The following PARD3B variants were observed in gnomAD, a reference collection of about 807,000 sequenced individuals.
PARD3B encodes partitioning defective 3 homolog B.
In PARD3B, 103 loss-of-function variants were observed where a neutral mutation model predicts 130.2. The ratio of observed to expected loss-of-function variants is 0.79; its 90% CI spans 0.67 to 0.93. The LOEUF is 0.93. Ranked by LOEUF, PARD3B falls within the 40% of genes least tolerant of loss-of-function variation. The pLI, the probability that PARD3B is intolerant of heterozygous loss-of-function variation, is 0.00. For synonymous variants in PARD3B, 583 were observed against 553.2 expected (o/e 1.05, Z -0.76); for missense variants, 1,609 against 1,499.2 (o/e 1.07, Z -1.21).
intron 16 of PARD3B, among the ~76,000 whole-genome samples, chr2:205,282,378 G>T (rs898193342): frequency 3.3e-5 from 5 of 151,528 alleles, no homozygotes; most frequent in African/African-American, 1.2e-4. Flanking sequence ...CTTTTAAGAA[G>T]CCAGGTACTC....
chr2:205,075,837 A>G (rs894897441), intron 4 of PARD3B, among the ~76,000 whole-genome samples: 1 of 152,142 alleles, frequency 6.6e-6, no homozygotes, highest in African/African-American at 2.4e-5. Flanking sequence ...CATTCAAAGT[A>G]GGAATCAAAT....
chr2:204,732,527 C>T (rs1424878646), intron 2 of PARD3B, among the ~76,000 whole-genome samples: 10 of 138,984 alleles, frequency 7.2e-5, no homozygotes, highest in South Asian at 2.3e-4. Context: ...TTTTTTGAGA[C>T]GGAGTCTCGC....
intron 20 of PARD3B, among the ~76,000 whole-genome samples, chr2:205,475,654 T>C (rs1286566757): frequency 6.6e-6 from 1 of 152,150 alleles, no homozygotes. Context: ...GGGAGAGCCA[T>C]TAGAAAAGAA....
chr2:205,206,132 A>T (rs781125838), intron 15 of PARD3B, among the ~76,000 whole-genome samples: 2 of 151,174 alleles, frequency 1.3e-5, no homozygotes, highest in African/African-American at 2.4e-5. Flanking sequence ...ATAAAGACAG[A>T]TATGAACTTT....
intron 2 of PARD3B, among the ~76,000 whole-genome samples, chr2:204,793,462 C>T (rs919068864): frequency 5.3e-5 from 8 of 151,990 alleles, no homozygotes; most frequent in Non-Finnish European, 8.8e-5. Flanking sequence ...TATTCCCAGT[C>T]GAATCTGTTA....
intron 3 of PARD3B, among the ~76,000 whole-genome samples, chr2:205,030,019 C>A: frequency 6.6e-6 from 1 of 152,108 alleles, no homozygotes; most frequent in South Asian, 2.1e-4. Context: ...CATTGCAAGC[C>A]AGTATATAAC....
At chr2:205,444,017 C>G (rs1255080447) in intron 20 of PARD3B, among the ~76,000 whole-genome samples, 2 of 152,184 alleles carry the variant, frequency 1.3e-5, no homozygotes, top group African/African-American at 4.8e-5. Context: ...GAGTCTCACT[C>G]TGTCACCCAG....
chr2:205,062,776 G>A (rs1164579176), intron 4 of PARD3B, among the ~76,000 whole-genome samples: 1 of 152,068 alleles, frequency 6.6e-6, no homozygotes, highest in Non-Finnish European at 1.5e-5. Context: ...CTTTTGCAGT[G>A]CTCAGTTTTT....
chr2:204,871,083 G>C (rs1485264230), intron 2 of PARD3B, among the ~76,000 whole-genome samples: 1 of 152,094 alleles, frequency 6.6e-6, no homozygotes, highest in Non-Finnish European at 1.5e-5. Flanking sequence ...TTAGGGAAAT[G>C]CAGTTTGCAG....
intron 2 of PARD3B, among the ~76,000 whole-genome samples, chr2:204,787,201 C>G (rs1264660509): frequency 2.0e-5 from 3 of 151,986 alleles, no homozygotes; most frequent in South Asian, 2.1e-4. Flanking sequence ...GATCACTTCA[C>G]CTGGGGCATG....
intron 10 of PARD3B, among the ~76,000 whole-genome samples, chr2:205,148,795 A>G (rs970443964): frequency 2.6e-5 from 4 of 152,204 alleles, no homozygotes; most frequent in African/African-American, 4.8e-5. Flanking sequence ...CATGTGAAAC[A>G]TAATTCTTAC....
intron 2 of PARD3B, among the ~76,000 whole-genome samples, chr2:204,839,812 CT>C (rs1320139433): frequency 5.9e-5 from 9 of 152,192 alleles, no homozygotes; most frequent in Non-Finnish European, 1.2e-4. Context: ...CAAGATAATA[CT>C]TTGAAAAAAG....
At chr2:204,599,304 T>C (rs1376092046) in intron 1 of PARD3B, among the ~76,000 whole-genome samples, 1 of 151,920 alleles carries the variant, frequency 6.6e-6, no homozygotes, top group African/African-American at 2.4e-5. Flanking sequence ...CTAGCTATTA[T>C]TTTGCATCCC....
At chr2:205,299,402 G>A (rs909028254) in intron 16 of PARD3B, among the ~76,000 whole-genome samples, 2 of 152,012 alleles carry the variant, frequency 1.3e-5, no homozygotes, top group East Asian at 1.9e-4. Context: ...TGACACAGTC[G>A]TTTTTTCCCA....
At chr2:204,936,547 A>T (rs754255962) in intron 2 of PARD3B, among the ~76,000 whole-genome samples, 1 of 152,170 alleles carries the variant, frequency 6.6e-6, no homozygotes, top group African/African-American at 2.4e-5. Context: ...TAATAATCCC[A>T]TTGAAAAATA....
chr2:205,356,293 A>G (rs1159559102), intron 18 of PARD3B, among the ~76,000 whole-genome samples: 3 of 152,240 alleles, frequency 2.0e-5, no homozygotes, highest in Admixed American at 1.3e-4. Context: ...TGCATTTTAT[A>G]TATTTTATAG....
At chr2:204,809,260 T>A (rs1299923298) in intron 2 of PARD3B, among the ~76,000 whole-genome samples, 1 of 152,170 alleles carries the variant, frequency 6.6e-6, no homozygotes, top group Non-Finnish European at 1.5e-5. Flanking sequence ...TCTTTTGCTG[T>A]TAGAAGCACT....
At chr2:204,741,477 C>G (rs1472173160) in intron 2 of PARD3B, among the ~76,000 whole-genome samples, 3 of 152,084 alleles carry the variant, frequency 2.0e-5, no homozygotes, top group South Asian at 2.1e-4. Flanking sequence ...CTCACAGAAC[C>G]CATCATGATA....
intron 3 of PARD3B, among the ~76,000 whole-genome samples, chr2:205,033,656 ATATAT>A (rs1697584302): frequency 6.6e-6 from 1 of 152,148 alleles, no homozygotes; most frequent in Non-Finnish European, 1.5e-5. Flanking sequence ...TTTTACACCA[ATATAT>A]TATCTTATAT....
Sources: gnomAD v4.1 joint callset for allele counts (sites outside exome capture counted in the v4.1 genomes callset) on GRCh38, gnomAD v4.1.1 for gene constraint, MANE v1.5 for transcripts, NCBI Gene and HGNC (gene_info 2026-07-23, HGNC 2026-07-21) for gene names.